Variants in CCDC150 observed in about 807,000 individuals in gnomAD.
CCDC150 encodes the protein coiled-coil domain containing 150, also known as coiled-coil domain-containing protein 150.
Under a neutral mutation model 156.5 loss-of-function variants are expected in CCDC150, and 151 were observed. That is an observed-to-expected ratio of 0.97 (90% CI 0.85 to 1.10). CCDC150 has a LOEUF of 1.10. Among genes scored for constraint, CCDC150 ranks in the 50% least tolerant of loss-of-function variants. CCDC150 has a pLI of 0.00. For synonymous variants in CCDC150, 452 were observed against 429.4 expected, an observed-to-expected ratio of 1.05 and a Z score of -0.65; for missense variants, 1,312 against 1,268.1, an observed-to-expected ratio of 1.03 and a Z score of -0.53.
intron 8 of CCDC150, 128 bp from the exon 9 acceptor site, chr2:196,672,217 T>C (rs753791580): frequency 3.9e-5 from 17 of 435,252 alleles, no homozygotes; most frequent in Non-Finnish European, 6.7e-5. Flanking sequence ...TATAAGACAT[T>C]TATAAAGTTC....
At chr2:196,650,903 T>C (rs1692836128) in intron 2 of CCDC150, among the ~76,000 whole-genome samples, 2 of 152,226 alleles carry the variant, frequency 1.3e-5, no homozygotes, top group Non-Finnish European at 2.9e-5. Flanking sequence ...AGTGATGCCA[T>C]CTGGTACTGG....
At chr2:196,722,049 A>G (rs1179508452) in intron 21 of CCDC150, among the ~76,000 whole-genome samples, 1 of 152,220 alleles carries the variant, frequency 6.6e-6, no homozygotes. Flanking sequence ...GATTTAGACA[A>G]GAAAAAACAT....
chr2:196,710,318 A>G (rs1406552593), intron 15 of CCDC150, among the ~76,000 whole-genome samples: 1 of 152,282 alleles, frequency 6.6e-6, no homozygotes, highest in Non-Finnish European at 1.5e-5. Context: ...GGCGCAGGAT[A>G]TAATCTCCTG....
intron 17 of CCDC150, among the ~76,000 whole-genome samples, chr2:196,717,603 A>C (rs1180026960): frequency 6.6e-6 from 1 of 152,178 alleles, no homozygotes; most frequent in African/African-American, 2.4e-5. Context: ...AAGAAGCAGG[A>C]TAAAGGGGCG....
At chr2:196,709,395 G>A (rs1696917803) in intron 15 of CCDC150, among the ~76,000 whole-genome samples, 1 of 152,100 alleles carries the variant, frequency 6.6e-6, no homozygotes, top group Admixed American at 6.5e-5. Flanking sequence ...TTTCTAGTTA[G>A]CCATTCGTCT....
intron 2 of CCDC150, among the ~76,000 whole-genome samples, chr2:196,655,691 C>G (rs780443354): frequency 5.9e-5 from 9 of 152,104 alleles, no homozygotes; most frequent in Non-Finnish European, 1.2e-4. Flanking sequence ...TTAAAACCAC[C>G]TCTTAGGATT....
rs1380369007 is a variant in CCDC150, at chr2:196,676,249, C to A, written c.1244C>A (p.Thr415Asn). The A allele has an allele frequency of 6.2e-7, 1 of 1,613,384 alleles. No homozygotes were observed. Among genetic ancestry groups the A allele is most frequent in the South Asian group, 1.1e-5 (1 of 90,982 alleles). ...CTACAGACTGTTCAGAATGAGAAAA[C>A]CCAACTCCAGGCACATCTGTAAGTA... ...NELQTVQNEK[T>N]QLQAHLDHLI... is the part of the protein sequence containing the mutation. Residue 415 changes from threonine (T) to asparagine (N), a missense_variant, in exon 11 of 28, where the codon ACC (threonine) becomes AAC (asparagine). Physicochemically the swap from Thr to Asn is moderately conservative, Grantham distance 65. Transcript: ENST00000389175.
intron 21 of CCDC150, among the ~76,000 whole-genome samples, chr2:196,725,030 A>G (rs1698132535): frequency 6.6e-6 from 1 of 152,196 alleles, no homozygotes; most frequent in African/African-American, 2.4e-5. Context: ...TCTCATGTAT[A>G]GACCAAGCCA....
intron 14 of CCDC150, among the ~76,000 whole-genome samples, chr2:196,697,196 C>G (rs1338972661): frequency 6.6e-6 from 1 of 152,156 alleles, no homozygotes; most frequent in African/African-American, 2.4e-5. Context: ...GACTAGAATA[C>G]AAAGAAGGTC....
chr2:196,698,585 A>G (rs909133431), intron 14 of CCDC150, among the ~76,000 whole-genome samples: 3 of 152,192 alleles, frequency 2.0e-5, no homozygotes, highest in African/African-American at 4.8e-5. Flanking sequence ...GAGCTAGCAT[A>G]TTTTAGGTTA....
chr2:196,706,703 A>T (rs1268840807), intron 15 of CCDC150, among the ~76,000 whole-genome samples: 2 of 152,190 alleles, frequency 1.3e-5, no homozygotes, highest in African/African-American at 4.8e-5. Flanking sequence ...TACCTAGCTT[A>T]TTGAGAGTTT....
chr2:196,709,058 A>C (rs1696890340), intron 15 of CCDC150, among the ~76,000 whole-genome samples: 1 of 152,102 alleles, frequency 6.6e-6, no homozygotes, highest in Non-Finnish European at 1.5e-5. Context: ...CTGTCTTGCT[A>C]GGTTGGGGAA....
intron 1 of CCDC150, among the ~76,000 whole-genome samples, chr2:196,641,668 A>T (rs977026358): frequency 9.9e-5 from 15 of 152,008 alleles, no homozygotes; most frequent in African/African-American, 3.6e-4. Flanking sequence ...GTACTGTTCT[A>T]CCCAACCCCT....
chr2:196,647,058 A>G (rs1348069293), intron 2 of CCDC150, among the ~76,000 whole-genome samples: 2 of 152,108 alleles, frequency 1.3e-5, no homozygotes, highest in Admixed American at 1.3e-4. Context: ...CCAATTGAGA[A>G]TTTACTGGTG....
intron 5 of CCDC150, among the ~76,000 whole-genome samples, chr2:196,659,996 C>G (rs548811371): frequency 6.6e-6 from 1 of 152,274 alleles, no homozygotes; most frequent in East Asian, 1.9e-4. Context: ...CATGTCTTCC[C>G]CTGAGCCCCT....
chr2:196,729,136 G>A (rs1266493850), intron 22 of CCDC150, 57 bp from the exon 23 acceptor site: 17 of 1,435,942 alleles, frequency 1.2e-5, no homozygotes, highest in Non-Finnish European at 1.6e-5. Flanking sequence ...ACAAAACTAA[G>A]TAAGCTTCTC....
intron 2 of CCDC150, 102 bp downstream of exon 2, chr2:196,646,606 T>A: frequency 2.4e-6 from 2 of 832,582 alleles, no homozygotes; most frequent in East Asian, 5.1e-5. Context: ...GCAAAAGAAC[T>A]GAGAAATAAT....
intron 10 of CCDC150, among the ~76,000 whole-genome samples, chr2:196,675,634 G>A (rs1261286799): frequency 6.6e-6 from 1 of 152,002 alleles, no homozygotes; most frequent in African/African-American, 2.4e-5. Flanking sequence ...TGCTTCTGCT[G>A]TAACATTATC....
chr2:196,692,075 C>T (rs1248844367), intron 13 of CCDC150, among the ~76,000 whole-genome samples: 1 of 148,758 alleles, frequency 6.7e-6, no homozygotes, highest in Non-Finnish European at 1.5e-5. Context: ...GCTCTTTGTT[C>T]TCTAGTTCCT....
Sources: allele counts gnomAD v4.1 joint callset (sites outside exome capture counted in the v4.1 genomes callset), GRCh38; gene constraint gnomAD v4.1.1; transcripts MANE v1.5; gene names NCBI Gene and HGNC (gene_info 2026-07-23, HGNC 2026-07-21).